TRANK1: variants seen among roughly 807,000 people sequenced by gnomAD.
The protein encoded by TRANK1 is tetratricopeptide repeat and ankyrin repeat containing 1.
A neutral mutation model predicts 266.0 loss-of-function variants in TRANK1; 198 were observed. The observed-to-expected ratio is 0.74, with a 90% CI of 0.66 to 0.84. The LOEUF is 0.84. TRANK1 is among the 40% of genes least tolerant of loss of function. The pLI is 0.00. For synonymous variants in TRANK1, 1,396 were observed against 1,384.1 expected (o/e 1.01, Z -0.19); for missense variants, 3,326 against 3,634.6 (o/e 0.92, Z 2.18).
intron 17 of TRANK1, among the ~76,000 whole-genome samples, chr3:36,845,555 C>G (rs2078903465): frequency 6.6e-6 from 1 of 152,172 alleles, no homozygotes. Flanking sequence ...ACATTCTATT[C>G]TGATATATAC....
chr3:36,931,549 G>A (rs1445865107), intron 1 of TRANK1, among the ~76,000 whole-genome samples: 1 of 151,846 alleles, frequency 6.6e-6, no homozygotes, highest in African/African-American at 2.4e-5. Context: ...TACAAAAAAT[G>A]CAAAAATTAG....
intron 9 of TRANK1, among the ~76,000 whole-genome samples, chr3:36,873,687 T>C (rs1252194070): frequency 1.3e-5 from 2 of 152,102 alleles, no homozygotes; most frequent in South Asian, 2.1e-4. Context: ...AAGCACTTCA[T>C]CTTTTACGTG....
At chr3:36,937,715 T>A (rs908809189) in intron 1 of TRANK1, among the ~76,000 whole-genome samples, 1 of 152,210 alleles carries the variant, frequency 6.6e-6, no homozygotes, top group African/African-American at 2.4e-5. Context: ...GACTTAGGTA[T>A]CTGTGCTAGG....
At chr3:36,914,653 C>T (rs59741631) in intron 1 of TRANK1, among the ~76,000 whole-genome samples, 1,777 of 150,650 alleles carry the variant, frequency 0.012, 44 homozygotes, top group African/African-American at 0.041. Context: ...TTATTTATTT[C>T]GAGAAGGAGT....
chr3:36,907,693 T>C (rs2079992760), intron 2 of TRANK1, among the ~76,000 whole-genome samples: 1 of 147,576 alleles, frequency 6.8e-6, no homozygotes, highest in East Asian at 2.1e-4. Context: ...CTCGATCTCC[T>C]GACCTCGTGA....
intron 1 of TRANK1, among the ~76,000 whole-genome samples, chr3:36,930,570 A>G (rs2080348161): frequency 6.6e-6 from 1 of 152,250 alleles, no homozygotes; most frequent in Non-Finnish European, 1.5e-5. Context: ...CACCAAAATT[A>G]GTTCCAAATG....
rs1417658337 is a variant in TRANK1, at chr3:36,856,110, C to A, written c.3612G>T (p.Glu1204Asp). The A allele has an allele frequency of 1.2e-6, 2 of 1,613,650 alleles. No homozygotes were observed. The highest frequency in any genetic ancestry group is 1.1e-5 in the South Asian group (1 of 91,076). Residue 1204 changes from glutamate (E) to aspartate (D), a missense_variant, in exon 13 of 24, where the codon GAG (glutamate) becomes GAT (aspartate). Transcript: ENST00000645898. ...FVTKNHVLCQEVQRNFIELSK... is the reference protein window; with the variant it reads ...FVTKNHVLCQDVQRNFIELSK... ...AAAGCTCAATGAAATTCCTTTGTACCTCCTGGCACAGCACATGGTTCTTGG... is the reference window on the plus strand; with the variant it reads ...AAAGCTCAATGAAATTCCTTTGTACATCCTGGCACAGCACATGGTTCTTGG...
chr3:36,833,376 T>G lies in TRANK1; in HGVS notation c.6207A>C (p.Ala2069=). 3.1e-6 allele frequency: 5 copies of G among 1,613,908 alleles called. 1 individual carries two copies. In the South Asian group the frequency reaches 5.5e-5, roughly 18 times the overall value. ...SAGVVEALYE[A]ASQCEAEPEK... The stretch of plus-strand genomic sequence containing the variant: ...CAGGCTCGGCCTCACACTGGCTGGC[T>G]GCTTCGTAGAGTGCTTCCACCACTC... Residue 2069 remains alanine (A), a synonymous_variant, in exon 22 of 24, where the codon GCA becomes GCC. Coordinates refer to ENST00000645898, the MANE Select transcript of TRANK1 (RefSeq NM_001329998.2).
Position 36,831,802 on chromosome 3 carries a change from G to A in TRANK1, c.7781C>T (p.Ser2594Leu), listed in dbSNP as rs369266335. Residue 2594 changes from serine (S) to leucine (L), a missense_variant, in exon 22 of 24, where the codon TCA becomes TTA. Transcript: ENST00000645898. The surrounding 1 kb of genome is among the most constrained non-coding windows in gnomAD (Gnocchi z 5.0). ...GTCCATGCTCATGAGCTGCAGCCTTGACTCAATCTCCCGGAAGTGGCGATA... is the reference window on the plus strand; with the variant it reads ...GTCCATGCTCATGAGCTGCAGCCTTAACTCAATCTCCCGGAAGTGGCGATA... ...LLYRHFREIESRLQLMSMDCP... is the reference protein window; with the variant it reads ...LLYRHFREIELRLQLMSMDCP... 42 of 1,613,806 alleles carry A rather than the reference G, an allele frequency of 2.6e-5. No individual in the cohort carries two copies. Among genetic ancestry groups the A allele is most frequent in the Non-Finnish European group, 8.5e-6 (10 of 1,179,896 alleles).
At chr3:36,850,687 T>A in intron 15 of TRANK1, 1 of 955,728 alleles carries the variant, frequency 1.0e-6, no homozygotes, top group Non-Finnish European at 1.2e-6. Context: ...AGTGAGACAA[T>A]GACTTCAAAA....
At chr3:36,846,751 T>G (rs1575194519) in intron 16 of TRANK1, among the ~76,000 whole-genome samples, 1 of 152,208 alleles carries the variant, frequency 6.6e-6, no homozygotes, top group South Asian at 2.1e-4. Flanking sequence ...AAAGTTACAG[T>G]GGAAGATTCA....
intron 4 of TRANK1, among the ~76,000 whole-genome samples, chr3:36,898,314 G>A (rs2079822886): frequency 6.6e-6 from 1 of 152,118 alleles, no homozygotes; most frequent in African/African-American, 2.4e-5. Context: ...GCCGGGCGGG[G>A]TGGTAGGCGC....
intron 21 of TRANK1, among the ~76,000 whole-genome samples, chr3:36,834,173 G>A (rs1475748552): frequency 6.6e-6 from 1 of 152,214 alleles, no homozygotes; most frequent in East Asian, 1.9e-4. Flanking sequence ...TATAGTGGAG[G>A]TGTAACTCAA....
chr3:36,924,679 C>G (rs894456207), intron 1 of TRANK1, among the ~76,000 whole-genome samples: 2 of 152,120 alleles, frequency 1.3e-5, no homozygotes, highest in East Asian at 1.9e-4. Flanking sequence ...TCACAAGACC[C>G]CAGCCCCCTC....
chr3:36,920,573 G>A (rs2080200499), intron 1 of TRANK1, among the ~76,000 whole-genome samples: 1 of 152,244 alleles, frequency 6.6e-6, no homozygotes, highest in Non-Finnish European at 1.5e-5. Context: ...TTCTAGAAGA[G>A]AATCTCTCTA....
At position 36,892,334 on chromosome 3, in the gene TRANK1, C is replaced by G; in HGVS notation, c.643G>C (p.Val215Leu). The change falls in exon 7 of 24, where the codon GTT (valine) becomes CTT (leucine). Residue 215 changes from valine (V) to leucine (L), a missense_variant. By Grantham distance (32) the Val-to-Leu change is conservative. Coordinates refer to ENST00000645898, the MANE Select transcript of TRANK1 (RefSeq NM_001329998.2). The part of the protein sequence containing the change: ...LSLKSLFEKY[V>L]FIGLYEKMEQ... ...ATCTTCTCATAAAGTCCAATGAAAA[C>G]GTATTTCTGGGGAAAAAAAACACAC... is the stretch of plus-strand genomic sequence containing the variant. 6.5e-7 allele frequency: 1 copy of G among 1,536,626 alleles called. No homozygotes were observed. Among genetic ancestry groups the G allele is most frequent in the Non-Finnish European group, 8.7e-7 (1 of 1,146,732 alleles).
Position 36,855,870 on chromosome 3 carries a change from G to T in TRANK1, c.3852C>A (p.Thr1284=). The change falls in exon 13 of 24, where the codon ACC becomes ACA. Residue 1284 remains threonine (T), a synonymous_variant. Coordinates refer to ENST00000645898, the MANE Select transcript of TRANK1 (RefSeq NM_001329998.2). ...CTTCATCCTCTTGCCAACTAGGAAT[G>T]GTTGACTCTTCCTGTGCAGACCATC... ...IIGWSAQEES[T]IPSWQEDEEE... 6.2e-7 allele frequency: 1 copy of T among 1,613,606 alleles called. No individual in the cohort carries two copies. Among genetic ancestry groups the T allele is most frequent in the Non-Finnish European group, 8.5e-7 (1 of 1,179,838 alleles).
At chr3:36,846,167 C>A in intron 17 of TRANK1, 81 bp downstream of exon 17, 1 of 1,337,956 alleles carries the variant, frequency 7.5e-7, no homozygotes, top group Admixed American at 2.8e-5. Flanking sequence ...CAAAATACCA[C>A]ACCTTTTATT....
intron 8 of TRANK1, among the ~76,000 whole-genome samples, chr3:36,886,775 A>C (rs2079612389): frequency 6.6e-6 from 1 of 152,038 alleles, no homozygotes; most frequent in Non-Finnish European, 1.5e-5. Flanking sequence ...AGCCGGGCAT[A>C]GTAGCACGCA....
Sources: allele counts gnomAD v4.1 joint callset (sites outside exome capture counted in the v4.1 genomes callset), GRCh38; gene constraint gnomAD v4.1.1; non-coding constraint Gnocchi (gnomAD v3.1); transcripts MANE v1.5; gene names NCBI Gene and HGNC (gene_info 2026-07-23, HGNC 2026-07-21).